Variants in RSF1 observed in about 807,000 individuals in gnomAD.
RSF1 encodes the protein remodeling and spacing factor 1, also known as HBV pX-associated protein 8.
In RSF1, 13 loss-of-function variants were observed where a neutral mutation model predicts 145.2. The ratio of observed to expected loss-of-function variants is 0.09; its 90% CI spans 0.06 to 0.14. The LOEUF (loss-of-function observed/expected upper bound fraction) is 0.14. Ranked by LOEUF, RSF1 falls within the 10% of genes least tolerant of loss-of-function variation. The pLI is 1.00. For synonymous variants in RSF1, 577 were observed against 592.6 expected (o/e 0.97, Z 0.38); for missense variants, 1,517 against 1,718.2 (o/e 0.88, Z 2.07).
chr11:77,706,809 T>C (rs1565155309), intron 5 of RSF1, among the ~76,000 whole-genome samples: 1 of 152,134 alleles, frequency 6.6e-6, no homozygotes, highest in African/African-American at 2.4e-5. Flanking sequence ...AGTTTTTTGA[T>C]CCTGACCCTC....
Position 77,700,871 on chromosome 11 carries a change from T to A in RSF1, c.2358A>T (p.Ala786=), listed in dbSNP as rs778183177. The A allele has an allele frequency of 6.2e-7, 1 of 1,613,940 alleles. No individual in the cohort carries two copies. Among genetic ancestry groups the A allele is most frequent in the Non-Finnish European group, 8.5e-7 (1 of 1,180,030 alleles). ...RRSPRISRPT[A]KVAEIRDQKA... ...TCTGATCTCTGATCTCAGCCACTTT[T>A]GCAGTGGGTCTAGATATTCTTGGAG... Residue 786 remains alanine, a synonymous_variant, in exon 6 of 16, where the codon GCA becomes GCT. Coordinates refer to ENST00000308488, the MANE Select transcript of RSF1 (RefSeq NM_016578.4).
chr11:77,869,682 T>C, the RSF1 span: 3 of 1,569,688 alleles, frequency 1.9e-6, no homozygotes, highest in Non-Finnish European at 2.6e-6. Flanking sequence ...AATGAAAGAT[T>C]GAGAGCAGGT....
intron 1 of RSF1, among the ~76,000 whole-genome samples, chr11:77,819,585 A>G (rs901628692): frequency 3.3e-5 from 5 of 152,220 alleles, no homozygotes; most frequent in African/African-American, 9.6e-5. Flanking sequence ...AGAGAGAAAC[A>G]TGAGCAACAA....
chr11:77,774,228 G>A (rs1265634935), intron 1 of RSF1, among the ~76,000 whole-genome samples: 1 of 152,102 alleles, frequency 6.6e-6, no homozygotes, highest in African/African-American at 2.4e-5. Context: ...ACTGGAACAG[G>A]GACAAGAAAA....
chr11:77,862,796 G>A, the RSF1 span, among the ~76,000 whole-genome samples: 4 of 152,198 alleles, frequency 2.6e-5, no homozygotes, highest in African/African-American at 9.7e-5. Flanking sequence ...ACTTCCCTCA[G>A]GAGGCCAGGT....
At chr11:77,765,949 C>T (rs1044148490) in intron 1 of RSF1, among the ~76,000 whole-genome samples, 3 of 152,030 alleles carry the variant, frequency 2.0e-5, no homozygotes, top group Admixed American at 2.0e-4. Flanking sequence ...GGTTTCACCA[C>T]GTTGGCCAGG....
chr11:77,740,993 T>C, intron 3 of RSF1, 57 bp from the exon 4 acceptor site: 2 of 1,244,018 alleles, frequency 1.6e-6, no homozygotes, highest in Non-Finnish European at 2.3e-6. Context: ...TCCATCACAG[T>C]AAATATGATA....
At chr11:77,801,902 A>C (rs113813638) in intron 1 of RSF1, among the ~76,000 whole-genome samples, 16 of 152,094 alleles carry the variant, frequency 1.1e-4, no homozygotes, top group Non-Finnish European at 2.2e-4. Flanking sequence ...ATGGTAGCTC[A>C]TGACTGTAAT....
chr11:77,703,410 G>A (rs987719679), intron 5 of RSF1: 5 of 152,068 alleles, frequency 3.3e-5, no homozygotes, highest in African/African-American at 4.8e-5. Flanking sequence ...CTAATTTTAC[G>A]TACATTTTTA....
chr11:77,744,469 G>A (rs573868561), intron 3 of RSF1, among the ~76,000 whole-genome samples: 1 of 152,150 alleles, frequency 6.6e-6, no homozygotes, highest in African/African-American at 2.4e-5. Context: ...CAGCTAGCTA[G>A]CTTTTTAAAA....
intron 4 of RSF1, among the ~76,000 whole-genome samples, chr11:77,726,882 T>C (rs1590852677): frequency 6.6e-6 from 1 of 152,202 alleles, no homozygotes; most frequent in South Asian, 2.1e-4. Context: ...CCTGGACAAG[T>C]TGTATATCCT....
chr11:77,797,821 AAAC>A (rs1223141987), intron 1 of RSF1, among the ~76,000 whole-genome samples: 1 of 145,776 alleles, frequency 6.9e-6, no homozygotes, highest in African/African-American at 2.5e-5. Context: ...TACAAGAAAA[AAAC>A]AACCCCATCA....
chr11:77,838,505 T>C, the RSF1 span, among the ~76,000 whole-genome samples: 2 of 152,224 alleles, frequency 1.3e-5, no homozygotes, highest in African/African-American at 4.8e-5. Context: ...CTATACATTT[T>C]GGACTTGCCA....
chr11:77,784,657 G>C (rs1948436756), intron 1 of RSF1, among the ~76,000 whole-genome samples: 1 of 152,136 alleles, frequency 6.6e-6, no homozygotes, highest in South Asian at 2.1e-4. Flanking sequence ...GTTGGGCTTT[G>C]TTTTGGCAGG....
intron 13 of RSF1, among the ~76,000 whole-genome samples, chr11:77,676,079 T>C (rs1383947594): frequency 6.6e-6 from 1 of 152,208 alleles, no homozygotes; most frequent in East Asian, 1.9e-4. Flanking sequence ...CTTGCTGTCT[T>C]GGACATGTGA....
intron 5 of RSF1, among the ~76,000 whole-genome samples, chr11:77,709,119 C>T (rs1482728002): frequency 1.3e-5 from 2 of 152,174 alleles, no homozygotes; most frequent in African/African-American, 4.8e-5. Context: ...TTGTTGTCAG[C>T]ATAAAAATCC....
At chr11:77,704,164 G>A (rs1346091837) in intron 5 of RSF1, among the ~76,000 whole-genome samples, 2 of 152,102 alleles carry the variant, frequency 1.3e-5, no homozygotes, top group African/African-American at 4.8e-5. Context: ...GCATGGTGGT[G>A]TGTGCTTGTA....
At position 77,678,168 on chromosome 11, in the gene RSF1, A is replaced by G. The variant is rs1433544416; in HGVS notation, c.3066-15T>C. The G allele has an allele frequency of 5.2e-6, 8 of 1,530,444 alleles. No individual in the cohort carries two copies. In the Admixed American group the frequency reaches 6.7e-5, roughly 13 times the overall value. The allele number at this position is 1,530,444 out of a possible 1,614,324, so 94.8% of individuals were successfully genotyped here. On this transcript the variant is annotated splice_polypyrimidine_tract_variant and intron_variant, in intron 11 of 15. Coordinates refer to ENST00000308488, the MANE Select transcript of RSF1 (RefSeq NM_016578.4). Reference sequence around the variant, plus strand: ...ACTCATCAAATCTAAAATATACACAATGATCACATTATAGCCTGTCCTGGC... The same window carrying G: ...ACTCATCAAATCTAAAATATACACAGTGATCACATTATAGCCTGTCCTGGC...
At chr11:77,796,690 A>T (rs557425948) in intron 1 of RSF1, among the ~76,000 whole-genome samples, 1 of 152,360 alleles carries the variant, frequency 6.6e-6, no homozygotes, top group Admixed American at 6.5e-5. Context: ...AAGAAAGGGT[A>T]TTCAGATAGG....
Sources: allele counts gnomAD v4.1 joint callset (sites outside exome capture counted in the v4.1 genomes callset), GRCh38; gene constraint gnomAD v4.1.1; transcripts MANE v1.5; gene names NCBI Gene and HGNC (gene_info 2026-07-23, HGNC 2026-07-21).